The following YBX1 variants were observed in gnomAD, a reference collection of about 807,000 sequenced individuals.
YBX1 encodes the protein Y-box-binding protein 1.
A neutral mutation model predicts 41.4 loss-of-function variants in YBX1; 3 were observed. The observed-to-expected ratio is 0.07, with a 90% CI of 0.03 to 0.19. The LOEUF is 0.19. Among genes scored for constraint, YBX1 ranks in the 10% least tolerant of loss-of-function variants. YBX1 has a pLI of 1.00. For missense variants in YBX1, 274 were observed against 462.8 expected (o/e 0.59, Z 3.74); for synonymous variants, 133 against 165.8 (o/e 0.80, Z 1.52).
chr1:42,689,099 C>T (rs1650267998), intron 2 of YBX1, among the ~76,000 whole-genome samples: 1 of 152,302 alleles, frequency 6.6e-6, no homozygotes, highest in Non-Finnish European at 1.5e-5. Context: ...CACTGTATTA[C>T]CTTCCTGTCC....
chr1:42,696,616 C>A lies in YBX1; in HGVS notation c.355-26C>A, dbSNP rs753888003. 1 of 1,406,216 alleles carries A rather than the reference C, an allele frequency of 7.1e-7. No individual in the cohort carries two copies. The highest frequency in any genetic ancestry group is 9.4e-7 in the Non-Finnish European group (1 of 1,063,948). 87.1% of individuals were successfully genotyped at this position (1,406,216 alleles called of 1,614,324 possible). A position where few individuals can be genotyped will look rare whatever the true frequency, so the allele number is the denominator to read the frequency against. On this transcript the variant is annotated intron_variant, in intron 4 of 7. Coordinates refer to ENST00000321358, the MANE Select transcript of YBX1 (RefSeq NM_004559.5). This position sits in a 1 kb window ranked among gnomAD's most constrained non-coding sequence, Gnocchi z 5.7. ...GAAAGTGTTCTGATTTCCTTTGTCA[C>A]TATCAATATGTAATGGCTTTTGTAG...
At chr1:42,690,428 T>A (rs1222451482) in intron 2 of YBX1, among the ~76,000 whole-genome samples, 1 of 152,116 alleles carries the variant, frequency 6.6e-6, no homozygotes, top group Non-Finnish European at 1.5e-5. Flanking sequence ...ACCCAATGAA[T>A]AAGATTCACC....
chr1:42,690,168 G>A (rs1399661628), intron 2 of YBX1, among the ~76,000 whole-genome samples: 4 of 151,520 alleles, frequency 2.6e-5, no homozygotes, highest in Non-Finnish European at 5.9e-5. Flanking sequence ...AGCCAAGATC[G>A]CTACTGCACT....
At position 42,702,309 on chromosome 1, in the gene YBX1, CAACA is replaced by C. The variant is rs1476663208; in HGVS notation, c.*364_*367del. ...TACAACTTGATTTTTTCAAAAAAGT[CAACA>C]AACTGCAAGCACCTGTTAATAAAGG... is the stretch of plus-strand genomic sequence containing the variant. On this transcript the variant is annotated 3_prime_UTR_variant, in exon 8 of 8. Coordinates refer to ENST00000321358, the MANE Select transcript of YBX1 (RefSeq NM_004559.5). 1 of 152,522 alleles carries C rather than the reference CAACA, an allele frequency of 6.6e-6. No homozygotes were observed. The highest frequency in any genetic ancestry group is 1.5e-5 in the Non-Finnish European group (1 of 68,024). The allele number at this position is 152,522 out of a possible 1,614,324, so 9.4% of individuals were successfully genotyped here.
intron 2 of YBX1, among the ~76,000 whole-genome samples, chr1:42,691,446 C>T (rs574852088): frequency 7.8e-4 from 119 of 152,226 alleles, no homozygotes; most frequent in Non-Finnish European, 1.4e-3. Context: ...CCCTCATTTC[C>T]GGGACTTGAA....
chr1:42,697,131 T>C, intron 5 of YBX1, 49 bp from the exon 6 acceptor site: 2 of 1,579,480 alleles, frequency 1.3e-6, no homozygotes, highest in Non-Finnish European at 1.7e-6. Context: ...GTTGGGTTTT[T>C]TTATTATATT....
In YBX1 at chr1:42,694,620, G is replaced by T. The variant is rs565478524; in HGVS notation, c.264+1097G>T. 1.4e-4 allele frequency among the ~76,000 whole-genome samples: 21 copies of T among 152,344 alleles called. No individual in the cohort carries two copies. The East Asian group carries it at 4.0e-3, about 29-fold the overall frequency. ...GTAGCTCACTGAAGTGTCCTACACA[G>T]TATTTGATGACAAGGAGGAAGCTAT... On this transcript the variant is annotated intron_variant, in intron 3 of 7. Coordinates refer to ENST00000321358, the MANE Select transcript of YBX1 (RefSeq NM_004559.5).
At position 42,696,935 on chromosome 1, in the gene YBX1, A is replaced by G. The variant is rs777036518; in HGVS notation, c.648A>G (p.Glu216=). The G allele has an allele frequency of 4.5e-6, 7 of 1,557,032 alleles. No homozygotes were observed. In the Admixed American group the frequency reaches 1.1e-4, roughly 25 times the overall value. ...ATTCCAACCCTCCTGTGCAGGGAGA[A>G]GTGATGGAGGTAAGTTTCACCATCA... The part of the protein sequence containing the change: ...PQYSNPPVQG[E]VMEGADNQGA... Residue 216 remains glutamate, a synonymous_variant, in exon 5 of 8, where the codon GAA becomes GAG. Transcript: ENST00000321358. This position sits in a 1 kb window ranked among gnomAD's most constrained non-coding sequence, Gnocchi z 5.7.
rs1040950040 is a variant in YBX1 at position 42,702,940 on chromosome 1, C to T, written c.*991C>T. ...AAGCCTAGTCTGGCTGATCTTTTCT[C>T]TTTTTGAGACGGAGTCTTGTTCTGT... On this transcript the variant is annotated 3_prime_UTR_variant, in exon 8 of 8. Coordinates refer to ENST00000321358, the MANE Select transcript of YBX1 (RefSeq NM_004559.5). Among the ~76,000 whole-genome samples the T allele has an allele frequency of 1.3e-5, 2 of 152,110 alleles. No homozygotes were observed. The highest frequency in any genetic ancestry group is 4.8e-5 in the African/African-American group (2 of 41,416).
chr1:42,685,129 T>C (rs911275908), intron 2 of YBX1, among the ~76,000 whole-genome samples: 8 of 152,264 alleles, frequency 5.3e-5, no homozygotes, highest in African/African-American at 1.9e-4. Context: ...AGTTTTAGCA[T>C]GTGCCTTGTT....
At chr1:42,688,191 G>A (rs902478865) in intron 2 of YBX1, among the ~76,000 whole-genome samples, 1 of 152,032 alleles carries the variant, frequency 6.6e-6, no homozygotes, top group Non-Finnish European at 1.5e-5. Context: ...AGTTTGACTC[G>A]TGAACAATGT....
chr1:42,683,337 A>C, intron 1 of YBX1, 66 bp from the exon 2 acceptor site: 1 of 1,603,872 alleles, frequency 6.2e-7, no homozygotes, highest in Non-Finnish European at 8.5e-7. Context: ...CGGATGCCCA[A>C]GCCGGGCGGA....
chr1:42,683,126 G>T, intron 1 of YBX1: 1 of 611,974 alleles, frequency 1.6e-6, no homozygotes, highest in Non-Finnish European at 3.0e-6. Context: ...GGCCGGAGCG[G>T]CTTCCCCTTC....
chr1:42,688,644 G>C (rs548019772), intron 2 of YBX1, among the ~76,000 whole-genome samples: 1 of 152,264 alleles, frequency 6.6e-6, no homozygotes, highest in South Asian at 2.1e-4. Context: ...GTAGTACACA[G>C]GTATTGTGGT....
chr1:42,690,863 A>G (rs1650312345), intron 2 of YBX1, among the ~76,000 whole-genome samples: 1 of 152,138 alleles, frequency 6.6e-6, no homozygotes, highest in Non-Finnish European at 1.5e-5. Context: ...TCTTGAAGAC[A>G]TTTCTTTCTA....
chr1:42,701,071 A>C, intron 7 of YBX1, 25 bp downstream of exon 7: 1 of 1,575,578 alleles, frequency 6.3e-7, no homozygotes, highest in Non-Finnish European at 8.7e-7. Context: ...ATGGCCATCC[A>C]TTTATGGCAG....
chr1:42,690,632 G>T (rs1396388617), intron 2 of YBX1, among the ~76,000 whole-genome samples: 1 of 152,164 alleles, frequency 6.6e-6, no homozygotes, highest in Non-Finnish European at 1.5e-5. Context: ...ACTTTATCCA[G>T]CTTTGGAGTT....
At chr1:42,687,272 A>G (rs1233260405) in intron 2 of YBX1, among the ~76,000 whole-genome samples, 3 of 152,018 alleles carry the variant, frequency 2.0e-5, no homozygotes, top group African/African-American at 7.2e-5. Context: ...GTAAGACTGA[A>G]TATTGCCTTT....
At chr1:42,693,614 G>T in intron 3 of YBX1, 91 bp downstream of exon 3, 1 of 1,397,214 alleles carries the variant, frequency 7.2e-7, no homozygotes, top group South Asian at 1.2e-5. Flanking sequence ...CCTTATAAAA[G>T]GTTAAGTCCA....
Sources: gnomAD v4.1 joint callset for allele counts (sites outside exome capture counted in the v4.1 genomes callset) on GRCh38, gnomAD v4.1.1 for gene constraint, Gnocchi (gnomAD v3.1) non-coding constraint, MANE v1.5 for transcripts, NCBI Gene and HGNC (gene_info 2026-07-23, HGNC 2026-07-21) for gene names.